Variants in HIVEP3 observed in about 807,000 individuals in gnomAD.
HIVEP3 encodes the protein transcription factor HIVEP3.
A neutral mutation model predicts 152.8 loss-of-function variants in HIVEP3; 49 were observed. That is an observed-to-expected ratio of 0.32 (90% CI 0.26 to 0.41). The LOEUF (loss-of-function observed/expected upper bound fraction) is 0.41. HIVEP3 is among the 10% of genes least tolerant of loss of function. The pLI, the probability that HIVEP3 is intolerant of heterozygous loss-of-function variation, is 1.00. For synonymous variants in HIVEP3, 1,269 were observed against 1,289.0 expected (o/e 0.98, Z 0.33); for missense variants, 2,790 against 3,103.3 (o/e 0.90, Z 2.40).
intron 1 of HIVEP3, among the ~76,000 whole-genome samples, chr1:41,977,750 C>A (rs952926457): frequency 2.6e-5 from 4 of 152,154 alleles, no homozygotes; most frequent in Non-Finnish European, 4.4e-5. Context: ...TGTTTCCTTC[C>A]AACACCCAAA....
At position 41,664,995 on chromosome 1, in the gene HIVEP3, G is replaced by A. The variant is rs1255826350; in HGVS notation, c.-721+35921C>T. On this transcript the variant is annotated intron_variant, in intron 2 of 8. Coordinates refer to ENST00000372583, the MANE Select transcript of HIVEP3 (RefSeq NM_024503.5). The surrounding 1 kb of genome is among the most constrained non-coding windows in gnomAD (Gnocchi z 4.4). The stretch of plus-strand genomic sequence containing the variant: ...GACTGGATGCCCCTGAGCCTTCCAA[G>A]CCATGCAGGCCTTTCCAGCGGTAGT... 6.6e-6 allele frequency among the ~76,000 whole-genome samples: 1 copy of A among 152,196 alleles called. No homozygotes were observed. The highest frequency in any genetic ancestry group is 1.5e-5 in the Non-Finnish European group (1 of 68,026).
intron 7 of HIVEP3, among the ~76,000 whole-genome samples, chr1:41,516,645 A>AC (rs966947857): frequency 1.8e-4 from 27 of 151,940 alleles, no homozygotes; most frequent in South Asian, 8.3e-4. Flanking sequence ...GCTCCAGGGC[A>AC]CCCCCCCATG....
intron 2 of HIVEP3, among the ~76,000 whole-genome samples, chr1:41,641,148 C>G (rs1300796997): frequency 6.6e-6 from 1 of 152,218 alleles, no homozygotes; most frequent in African/African-American, 2.4e-5. Flanking sequence ...TACCAGATCC[C>G]ATAACAAGAT....
At chr1:41,988,107 A>T (rs1645335055) in intron 1 of HIVEP3, among the ~76,000 whole-genome samples, 2 of 152,240 alleles carry the variant, frequency 1.3e-5, no homozygotes, top group Non-Finnish European at 2.9e-5. Flanking sequence ...TTAAAGACTT[A>T]AACATAATAA....
At chr1:41,868,906 T>G (rs376722695) in intron 1 of HIVEP3, among the ~76,000 whole-genome samples, 1 of 152,254 alleles carries the variant, frequency 6.6e-6, no homozygotes, top group South Asian at 2.1e-4. Flanking sequence ...ATAATGACTG[T>G]GCACATTAAT....
chr1:41,541,107 C>T (rs1643521008), intron 5 of HIVEP3, among the ~76,000 whole-genome samples: 1 of 152,088 alleles, frequency 6.6e-6, no homozygotes, highest in African/African-American at 2.4e-5. Flanking sequence ...CATCAGACTG[C>T]CGAGTTCAAA....
intron 1 of HIVEP3, among the ~76,000 whole-genome samples, chr1:41,993,942 C>A (rs1346630200): frequency 7.1e-6 from 1 of 140,102 alleles, no homozygotes; most frequent in African/African-American, 2.7e-5. Context: ...TAGGTGGGAA[C>A]TGAACAATGA....
At chr1:42,031,675 A>G (rs1211187228) in intron 1 of HIVEP3, among the ~76,000 whole-genome samples, 1 of 152,214 alleles carries the variant, frequency 6.6e-6, no homozygotes, top group African/African-American at 2.4e-5. Flanking sequence ...AGTCTAAAAA[A>G]TATTGAAAAT....
At chr1:41,875,931 G>A (rs1218978189) in intron 1 of HIVEP3, among the ~76,000 whole-genome samples, 7 of 152,178 alleles carry the variant, frequency 4.6e-5, no homozygotes, top group Non-Finnish European at 8.8e-5. Flanking sequence ...CGGGATGCAA[G>A]TTCCACATGG....
intron 4 of HIVEP3, 121 bp downstream of exon 4, chr1:41,579,616 G>GAAATCT: frequency 8.5e-7 from 1 of 1,179,814 alleles, no homozygotes; most frequent in Non-Finnish European, 1.2e-6. Flanking sequence ...TTTCAGAGAG[G>GAAATCT]AAATCTGACT....
intron 5 of HIVEP3, among the ~76,000 whole-genome samples, chr1:41,568,929 T>G (rs1012315279): frequency 3.3e-5 from 5 of 152,164 alleles, no homozygotes; most frequent in Non-Finnish European, 7.3e-5. Context: ...GGCAGTGTCT[T>G]ATGGTTTAAC....
At chr1:41,919,667 C>T (rs1644923944), upstream of HIVEP3, among the ~76,000 whole-genome samples, 1 of 152,050 alleles carries the variant, frequency 6.6e-6, no homozygotes, top group South Asian at 2.1e-4. Context: ...TAAGGGTCAG[C>T]ATGGAGGTAT....
intron 1 of HIVEP3, among the ~76,000 whole-genome samples, chr1:41,953,638 G>T (rs1030618073): frequency 6.6e-6 from 1 of 152,160 alleles, no homozygotes; most frequent in Non-Finnish European, 1.5e-5. Flanking sequence ...TCTGAGAAAT[G>T]AATGAATGAG....
intron 3 of HIVEP3, among the ~76,000 whole-genome samples, chr1:41,595,595 G>A (rs757386292): frequency 5.9e-5 from 9 of 152,194 alleles, no homozygotes; most frequent in Admixed American, 1.3e-4. Flanking sequence ...GGCTTGTGAT[G>A]ATTAATATCG....
rs35122733 is a variant in HIVEP3, at chr1:41,524,790, G to A, written c.5328C>T (p.His1776=). 0.052 allele frequency: 83,784 copies of A among 1,614,094 alleles called. 2,552 individuals carry two copies. Among genetic ancestry groups the A allele is most frequent in the Middle Eastern group, 0.11 (635 of 6,034 alleles). Reference sequence around the variant, plus strand: ...TGCACACATAGGGCCGGACGTCAGTGTGGGTGCGGATGTGTTTCTTCAGCA... The same window carrying A: ...TGCACACATAGGGCCGGACGTCAGTATGGGTGCGGATGTGTTTCTTCAGCA... ...PSMLKKHIRT[H]TDVRPYVCKH... Residue 1776 remains histidine (H), a synonymous_variant, in exon 6 of 9, where the codon CAC becomes CAT. Transcript: ENST00000372583.
chr1:41,973,309 T>C (rs572494861), intron 1 of HIVEP3, among the ~76,000 whole-genome samples: 1 of 152,366 alleles, frequency 6.6e-6, no homozygotes, highest in African/African-American at 2.4e-5. Flanking sequence ...CTTGCAAGGC[T>C]GCAACCAAGG....
At chr1:41,787,227 CCGCAACAGTATCTGA>C (rs1235003582) in intron 1 of HIVEP3, among the ~76,000 whole-genome samples, 3 of 152,192 alleles carry the variant, frequency 2.0e-5, no homozygotes, top group Non-Finnish European at 4.4e-5. Context: ...ATGCACTACG[CCGCAACAGTATCTGA>C]CAGGATGCAA....
chr1:41,788,540 G>C (rs1008103956), intron 1 of HIVEP3, among the ~76,000 whole-genome samples: 2 of 152,258 alleles, frequency 1.3e-5, no homozygotes, highest in South Asian at 2.1e-4. Context: ...GCACCCTGGA[G>C]TCTGCTCTCT....
chr1:41,894,700 C>G (rs375126402), intron 1 of HIVEP3, among the ~76,000 whole-genome samples: 2 of 152,160 alleles, frequency 1.3e-5, no homozygotes, highest in African/African-American at 4.8e-5. Flanking sequence ...AATATCGTGG[C>G]TCAACAACAA....
Sources: gnomAD v4.1 joint callset for allele counts (sites outside exome capture counted in the v4.1 genomes callset) on GRCh38, gnomAD v4.1.1 for gene constraint, Gnocchi (gnomAD v3.1) non-coding constraint, MANE v1.5 for transcripts, NCBI Gene and HGNC (gene_info 2026-07-23, HGNC 2026-07-21) for gene names.